Variants in E2F3 observed in about 807,000 individuals in gnomAD.
The protein encoded by E2F3 is transcription factor E2F3.
In E2F3, 11 loss-of-function variants were observed where a neutral mutation model predicts 44.4. That is an observed-to-expected ratio of 0.25 (90% CI 0.16 to 0.41). The LOEUF (loss-of-function observed/expected upper bound fraction) is 0.41, where lower values mean the gene tolerates loss of function less well. E2F3 is among the 10% of genes least tolerant of loss of function. The pLI is 1.00. For synonymous variants in E2F3, 249 were observed against 253.0 expected (o/e 0.98, Z 0.15); for missense variants, 487 against 583.6 (o/e 0.83, Z 1.70).
intron 1 of E2F3, among the ~76,000 whole-genome samples, chr6:20,433,367 G>A (rs1353389100): frequency 6.6e-6 from 1 of 152,170 alleles, no homozygotes; most frequent in Non-Finnish European, 1.5e-5. Flanking sequence ...TATGGTTCAG[G>A]TTGTTAATGT....
chr6:20,442,564 C>T (rs763029268), intron 1 of E2F3, among the ~76,000 whole-genome samples: 69 of 152,334 alleles, frequency 4.5e-4, no homozygotes, highest in Non-Finnish European at 6.6e-4. Flanking sequence ...ACTTTTAACA[C>T]CCTCAATTTG....
rs1561873210 is a variant in E2F3, at chr6:20,462,847, T to TTCTCTC, written c.394-16991_394-16986dup. On this transcript the variant is annotated intron_variant, in intron 1 of 6. Coordinates refer to ENST00000346618, the MANE Select transcript of E2F3 (RefSeq NM_001949.5). ...TCTTGTTCTTTTTGTTTTGTTCTCTTTCTCTCTCTCTCTTTTTTTTTTTTT... is the reference window on the plus strand; with the variant it reads ...TCTTGTTCTTTTTGTTTTGTTCTCTTTCTCTCTCTCTCTCTCTCTTTTTTTTTTTTT... Among the ~76,000 whole-genome samples the TTCTCTC allele has an allele frequency of 3.6e-3, 513 of 144,356 alleles. 4 individuals carry two copies. The highest frequency in any genetic ancestry group is 0.012 in the African/African-American group (444 of 37,692). 94.7% of individuals were successfully genotyped at this position (144,356 alleles called of 152,430 possible).
At chr6:20,473,904 C>T (rs1308666275) in intron 1 of E2F3, among the ~76,000 whole-genome samples, 1 of 152,160 alleles carries the variant, frequency 6.6e-6, no homozygotes, top group Non-Finnish European at 1.5e-5. Context: ...ACCTCTGCAA[C>T]TTTGATGGGA....
In E2F3 at chr6:20,402,505, G is replaced by T. The variant is rs199515614; in HGVS notation, c.273G>T (p.Ala91=). ...AGPLLPSAPG[A]EQTAGSLLYT... ...CCCTCCTCCCCAGTGCCCCCGGCGC[G>T]GAGCAGACCGCCGGCAGCCTCCTCT... The change falls in exon 1 of 7, where the codon GCG becomes GCT. Residue 91 remains alanine, a synonymous_variant. Transcript: ENST00000346618. The surrounding 1 kb of genome is among the most constrained non-coding windows in gnomAD (Gnocchi z 5.6). The T allele has an allele frequency of 1.2e-4, 200 of 1,603,748 alleles. 1 individual carries two copies. The highest frequency in any genetic ancestry group is 1.1e-3 in the Admixed American group (67 of 59,888).
chr6:20,415,033 C>T (rs978063199), intron 1 of E2F3, among the ~76,000 whole-genome samples: 3 of 152,206 alleles, frequency 2.0e-5, no homozygotes, highest in Non-Finnish European at 4.4e-5. Context: ...CGCCACTCCC[C>T]GTGGTAGGAA....
At chr6:20,403,300 G>A (rs1301553621) in intron 1 of E2F3, among the ~76,000 whole-genome samples, 1 of 152,074 alleles carries the variant, frequency 6.6e-6, no homozygotes, top group Non-Finnish European at 1.5e-5. Context: ...GCGGGCTGGC[G>A]CTCTGGCCTG....
intron 1 of E2F3, among the ~76,000 whole-genome samples, chr6:20,412,889 T>C (rs1255920117): frequency 2.0e-5 from 3 of 152,232 alleles, no homozygotes; most frequent in Non-Finnish European, 2.9e-5. Flanking sequence ...CTCTGGTCTA[T>C]GGGATAATAA....
At chr6:20,435,577 CCT>C (rs1222212349) in intron 1 of E2F3, among the ~76,000 whole-genome samples, 1 of 152,094 alleles carries the variant, frequency 6.6e-6, no homozygotes, top group Non-Finnish European at 1.5e-5. Flanking sequence ...ATGGTGAAAC[CCT>C]GTCTTTACTA....
chr6:20,472,404 G>A (rs926805260), intron 1 of E2F3, among the ~76,000 whole-genome samples: 1 of 152,138 alleles, frequency 6.6e-6, no homozygotes, highest in African/African-American at 2.4e-5. Context: ...CCTGGTATCT[G>A]TGCTGAACGT....
intron 1 of E2F3, among the ~76,000 whole-genome samples, chr6:20,447,242 A>G (rs1367895577): frequency 6.6e-6 from 1 of 152,032 alleles, no homozygotes; most frequent in African/African-American, 2.4e-5. Flanking sequence ...TGTTGGGGGG[A>G]AGGGCACTGC....
At chr6:20,410,559 G>A (rs1321245870) in intron 1 of E2F3, among the ~76,000 whole-genome samples, 2 of 152,184 alleles carry the variant, frequency 1.3e-5, no homozygotes, top group Non-Finnish European at 2.9e-5. Flanking sequence ...GTAGAAACAT[G>A]GTATAATTGC....
rs148940113 is a variant in E2F3 at position 20,413,472 on chromosome 6, C to T, written c.393+10847C>T. Among the ~76,000 whole-genome samples, 99 of 152,322 alleles carry T rather than the reference C, an allele frequency of 6.5e-4. 1 individual carries two copies. The highest frequency in any genetic ancestry group is 2.2e-3 in the African/African-American group (93 of 41,568). ...GGGCCCCAAGCCTCATACCTGCTCT[C>T]GTGGTTCCAAAACTTGCAGACTCCC... On this transcript the variant is annotated intron_variant, in intron 1 of 6. Transcript: ENST00000346618.
chr6:20,402,555 G>T lies in E2F3; in HGVS notation c.323G>T (p.Ser108Ile). The T allele has an allele frequency of 6.4e-7, 1 of 1,561,490 alleles. No individual in the cohort carries two copies. Among genetic ancestry groups the T allele is most frequent in the Non-Finnish European group, 8.6e-7 (1 of 1,165,470 alleles). Residue 108 changes from serine to isoleucine, a missense_variant, in exon 1 of 7, where the codon AGC (serine) becomes ATC (isoleucine). Coordinates refer to ENST00000346618, the MANE Select transcript of E2F3 (RefSeq NM_001949.5). This position sits in a 1 kb window ranked among gnomAD's most constrained non-coding sequence, Gnocchi z 5.6. The stretch of plus-strand genomic sequence containing the variant: ...TACACCACGCCGCACGGACCCTCCA[G>T]CAGAGCCGGGCTGCTGCAGCAGCCA... ...LLYTTPHGPS[S>I]RAGLLQQPPA...
intron 1 of E2F3, among the ~76,000 whole-genome samples, chr6:20,462,457 T>G (rs574842235): frequency 1.1e-4 from 16 of 150,014 alleles, no homozygotes; most frequent in African/African-American, 4.0e-4. Context: ...TTTCACTAAT[T>G]CTTTTTTTTT....
At chr6:20,472,674 TA>T (rs1290141955) in intron 1 of E2F3, among the ~76,000 whole-genome samples, 1 of 151,902 alleles carries the variant, frequency 6.6e-6, no homozygotes, top group East Asian at 1.9e-4. Context: ...TCTAAAAAAA[TA>T]AAAAATAAGA....
chr6:20,415,635 T>C (rs1296067047), intron 1 of E2F3, among the ~76,000 whole-genome samples: 1 of 152,238 alleles, frequency 6.6e-6, no homozygotes, highest in Non-Finnish European at 1.5e-5. Flanking sequence ...GCCTCTTCTA[T>C]ATATAGTACA....
chr6:20,433,991 A>T (rs763131885), intron 1 of E2F3, among the ~76,000 whole-genome samples: 9 of 152,056 alleles, frequency 5.9e-5, no homozygotes, highest in South Asian at 2.1e-4. Flanking sequence ...TAATTTTGGG[A>T]TGGAAGTTTG....
At chr6:20,451,202 G>T (rs559276736) in intron 1 of E2F3, among the ~76,000 whole-genome samples, 1 of 152,136 alleles carries the variant, frequency 6.6e-6, no homozygotes, top group South Asian at 2.1e-4. Flanking sequence ...CATTGAATGT[G>T]TAAATTGCTT....
chr6:20,489,473 T>TA (rs540736550), intron 6 of E2F3, among the ~76,000 whole-genome samples: 8 of 148,860 alleles, frequency 5.4e-5, no homozygotes, highest in African/African-American at 9.9e-5. Flanking sequence ...CGCCGTCTCT[T>TA]AAAAAAAAAA....
Sources: gnomAD v4.1 joint callset for allele counts (sites outside exome capture counted in the v4.1 genomes callset) on GRCh38, gnomAD v4.1.1 for gene constraint, Gnocchi (gnomAD v3.1) non-coding constraint, MANE v1.5 for transcripts, NCBI Gene and HGNC (gene_info 2026-07-23, HGNC 2026-07-21) for gene names.